ZNF536: variants seen among roughly 807,000 people sequenced by gnomAD.
ZNF536 encodes zinc finger protein 536.
ZNF536 carries 13 observed loss-of-function variants against 84.5 expected under a neutral mutation model. That is an observed-to-expected ratio of 0.15 (90% confidence interval 0.10 to 0.24). ZNF536 has a LOEUF of 0.24. ZNF536 is among the 10% of genes least tolerant of loss of function. The pLI, the probability that ZNF536 is intolerant of heterozygous loss-of-function variation, is 1.00. For synonymous variants in ZNF536, 811 were observed against 742.5 expected, an observed-to-expected ratio of 1.09 and a Z score of -1.50; for missense variants, 1,536 against 1,747.5, an observed-to-expected ratio of 0.88 and a Z score of 2.16.
At chr19:30,275,536 C>T (rs891896719) in intron 1 of ZNF536, among the ~76,000 whole-genome samples, 5 of 152,084 alleles carry the variant, frequency 3.3e-5, no homozygotes, top group African/African-American at 9.7e-5. Flanking sequence ...TGTTGCCTTG[C>T]GTTGGGGCAC....
At chr19:30,433,620 C>A (rs1600710182) in intron 1 of ZNF536, among the ~76,000 whole-genome samples, 1 of 152,326 alleles carries the variant, frequency 6.6e-6, no homozygotes, top group African/African-American at 2.4e-5. Flanking sequence ...GCTTCAGCCT[C>A]CCGAGTAGCT....
Position 30,557,338 on chromosome 19 carries a change from G to GT in ZNF536, c.*175dup. On this transcript the variant is annotated 3_prime_UTR_variant, in exon 5 of 5. Coordinates refer to ENST00000355537, the MANE Select transcript of ZNF536 (RefSeq NM_014717.3). ...TATACACACGGTGCACCAATCTACA[G>GT]TATATATAGCAGAGAATCAGAGGCT... 1.5e-6 allele frequency: 1 copy of GT among 658,384 alleles called. No individual in the cohort carries two copies. The allele number at this position is 658,384 out of a possible 1,614,324, so 40.8% of individuals were successfully genotyped here. A position where few individuals can be genotyped will look rare whatever the true frequency, so the allele number is the denominator to read the frequency against.
At chr19:30,471,647 C>A (rs144591579) in intron 2 of ZNF536, among the ~76,000 whole-genome samples, 2 of 152,324 alleles carry the variant, frequency 1.3e-5, no homozygotes, top group Admixed American at 6.5e-5. Context: ...GTACCCATAG[C>A]CATGTGGGCA....
intron 1 of ZNF536, among the ~76,000 whole-genome samples, chr19:30,596,966 GT>G (rs2047488061): frequency 6.6e-6 from 1 of 152,142 alleles, no homozygotes. Context: ...TTCTGGGGCT[GT>G]TTTCTTTTGC....
At chr19:30,643,654 C>G (rs891615102) in intron 1 of ZNF536, among the ~76,000 whole-genome samples, 1 of 151,694 alleles carries the variant, frequency 6.6e-6, no homozygotes, top group South Asian at 2.1e-4. Context: ...AAAGCAATTT[C>G]TGCAGGGGGG....
intron 2 of ZNF536, among the ~76,000 whole-genome samples, chr19:30,347,627 C>CA (rs1264367919): frequency 6.6e-6 from 1 of 152,180 alleles, no homozygotes. Flanking sequence ...TCTGTGCTCT[C>CA]AGCCACTGCG....
chr19:30,697,187 C>T (rs2051698046), intron 1 of ZNF536, among the ~76,000 whole-genome samples: 1 of 152,086 alleles, frequency 6.6e-6, no homozygotes, highest in Non-Finnish European at 1.5e-5. Flanking sequence ...CATGAGAACT[C>T]CCTCACTATC....
At chr19:30,560,035 G>A (rs1011733342), downstream of ZNF536, among the ~76,000 whole-genome samples, 2 of 151,928 alleles carry the variant, frequency 1.3e-5, no homozygotes, top group Non-Finnish European at 2.9e-5. Flanking sequence ...CACTCCCCCT[G>A]CTTCCCATCC....
chr19:30,704,777 C>G (rs1285014109), intron 1 of ZNF536, among the ~76,000 whole-genome samples: 1 of 151,948 alleles, frequency 6.6e-6, no homozygotes, highest in African/African-American at 2.4e-5. Flanking sequence ...CTAGAGAGAT[C>G]TGACTTCTTC....
intron 1 of ZNF536, among the ~76,000 whole-genome samples, chr19:30,236,122 G>A (rs1377097090): frequency 6.6e-6 from 1 of 152,238 alleles, no homozygotes; most frequent in African/African-American, 2.4e-5. Flanking sequence ...GAAGAAAAGC[G>A]GCCACATGCC....
At chr19:30,439,963 T>C (rs1235699684) in intron 1 of ZNF536, among the ~76,000 whole-genome samples, 57 of 124,374 alleles carry the variant, frequency 4.6e-4, no homozygotes, top group Non-Finnish European at 4.8e-4. Flanking sequence ...TTCTTTCTTT[T>C]TTTTTTTTTT....
intron 1 of ZNF536, among the ~76,000 whole-genome samples, chr19:30,232,033 G>A (rs1199716119): frequency 6.6e-6 from 1 of 152,090 alleles, no homozygotes; most frequent in African/African-American, 2.4e-5. Flanking sequence ...AGGAAACACA[G>A]TCCAGTTTTC....
chr19:30,486,828 G>A (rs151008536), intron 2 of ZNF536, among the ~76,000 whole-genome samples: 1 of 152,158 alleles, frequency 6.6e-6, no homozygotes, highest in African/African-American at 2.4e-5. Flanking sequence ...TGGCCTACTT[G>A]GACTTGGTCC....
chr19:30,338,113 TATG>T lies in ZNF536; in HGVS notation c.-119-14242_-119-14240del, dbSNP rs199973690. Among the ~76,000 whole-genome samples the T allele has an allele frequency of 5.2e-3, 783 of 150,588 alleles. 2 individuals are homozygous for T. Among genetic ancestry groups the T allele is most frequent in the Middle Eastern group, 0.014 (4 of 278 alleles). ...TGGTGATCGTGATGGTGATTGTGAT[TATG>T]ATGATGATGATGGTGATGATGGTGA... On this transcript the variant is annotated intron_variant, in intron 2 of 5. Transcript: ENST00000585628.
chr19:30,546,884 C>A (rs902753153), intron 3 of ZNF536, among the ~76,000 whole-genome samples: 2 of 152,128 alleles, frequency 1.3e-5, no homozygotes, highest in African/African-American at 4.8e-5. Context: ...AATCTGCAGT[C>A]GTTTACCTTC....
chr19:30,711,821 A>G (rs185476275), exon 2 of ZNF536: 175 of 152,342 alleles, frequency 1.1e-3, no homozygotes, highest in African/African-American at 4.0e-3. Context: ...GGTACATTAT[A>G]TAAAATGTTG....
Position 30,284,398 on chromosome 19 carries a change from G to A in ZNF536, c.-120+257G>A, listed in dbSNP as rs115295426. On this transcript the variant is annotated intron_variant, in intron 2 of 5. Coordinates refer to the ZNF536 transcript ENST00000585628. ...CAAGGGTGACTTCTTTCTCTCTTGC[G>A]TGACACCCTGAGTCCCTATCTGCCA... 5.0e-3 allele frequency among the ~76,000 whole-genome samples: 768 copies of A among 152,290 alleles called. 5 individuals carry two copies. Among genetic ancestry groups the A allele is most frequent in the African/African-American group, 0.018 (739 of 41,562 alleles).
chr19:30,477,361 T>C (rs1474528567), intron 2 of ZNF536, among the ~76,000 whole-genome samples: 1 of 152,212 alleles, frequency 6.6e-6, no homozygotes, highest in Non-Finnish European at 1.5e-5. Flanking sequence ...AGGAATGATA[T>C]ACATTCTTCA....
At chr19:30,461,083 G>A (rs570850976) in intron 2 of ZNF536, among the ~76,000 whole-genome samples, 1 of 152,278 alleles carries the variant, frequency 6.6e-6, no homozygotes, top group Non-Finnish European at 1.5e-5. Context: ...CTCTGGCATG[G>A]GCTCCCATTT....
Sources: allele counts gnomAD v4.1 joint callset (sites outside exome capture counted in the v4.1 genomes callset), GRCh38; gene constraint gnomAD v4.1.1; transcripts MANE v1.5; gene names NCBI Gene and HGNC (gene_info 2026-07-23, HGNC 2026-07-21).